ARFGEF3: variants seen among roughly 807,000 people sequenced by gnomAD.
The protein encoded by ARFGEF3 is ARFGEF family member 3, also known as brefeldin A-inhibited guanine nucleotide-exchange protein 3.
ARFGEF3 carries 96 observed loss-of-function variants against 221.7 expected under a neutral mutation model. The ratio of observed to expected loss-of-function variants is 0.43; its 90% CI spans 0.37 to 0.51. The LOEUF is 0.51. ARFGEF3 is among the 20% of genes least tolerant of loss of function. The pLI is 0.00. For synonymous variants in ARFGEF3, 1,145 were observed against 1,126.8 expected, an observed-to-expected ratio of 1.02 and a Z score of -0.32; for missense variants, 2,410 against 2,789.9, an observed-to-expected ratio of 0.86 and a Z score of 3.07.
At chr6:138,244,787 T>C (rs990767391) in intron 7 of ARFGEF3, among the ~76,000 whole-genome samples, 2 of 152,212 alleles carry the variant, frequency 1.3e-5, no homozygotes, top group Admixed American at 1.3e-4. Flanking sequence ...TTATTTTATC[T>C]CTCTGTGATA....
chr6:138,219,379 A>G (rs1391457666), intron 4 of ARFGEF3, among the ~76,000 whole-genome samples: 1 of 152,222 alleles, frequency 6.6e-6, no homozygotes, highest in African/African-American at 2.4e-5. Context: ...CAAGTGATCC[A>G]GACAGAGCTG....
At chr6:138,293,136 G>C (rs1017203745) in intron 19 of ARFGEF3, among the ~76,000 whole-genome samples, 1 of 152,250 alleles carries the variant, frequency 6.6e-6, no homozygotes, top group East Asian at 1.9e-4. Flanking sequence ...ATTTCTATTA[G>C]AGACCCTCTC....
At chr6:138,187,538 A>G (rs1777212031) in intron 2 of ARFGEF3, among the ~76,000 whole-genome samples, 1 of 152,212 alleles carries the variant, frequency 6.6e-6, no homozygotes, top group Non-Finnish European at 1.5e-5. Flanking sequence ...ACAATTGGGT[A>G]GCGCCCAGCC....
intron 5 of ARFGEF3, among the ~76,000 whole-genome samples, chr6:138,234,135 A>T (rs1778242389): frequency 6.6e-6 from 1 of 152,192 alleles, no homozygotes; most frequent in Admixed American, 6.5e-5. Flanking sequence ...CTTGTGAAGA[A>T]GTTGTTTGGA....
Position 138,338,799 on chromosome 6 carries a change from T to TAAAAAAAAAAAA in ARFGEF3, c.*2322_*2333dup. 9.6e-6 allele frequency: 1 copy of TAAAAAAAAAAAA among 103,666 alleles called. No individual in the cohort carries two copies. Among genetic ancestry groups the TAAAAAAAAAAAA allele is most frequent in the Non-Finnish European group, 2.0e-5 (1 of 49,462 alleles). 6.4% of individuals were successfully genotyped at this position (103,666 alleles called of 1,614,324 possible). A position where few individuals can be genotyped will look rare whatever the true frequency, so the allele number is the denominator to read the frequency against. ...TGGGTGACAAGAGTGAAACTCCATCTAAAAAAAAAAAAAAAAAAAAGTGAA... is the reference window on the plus strand; with the variant it reads ...TGGGTGACAAGAGTGAAACTCCATCTAAAAAAAAAAAAAAAAAAAAAAAAAAAAAAAAGTGAA... On this transcript the variant is annotated 3_prime_UTR_variant, in exon 34 of 34. Coordinates refer to ENST00000251691, the MANE Select transcript of ARFGEF3 (RefSeq NM_020340.5).
At chr6:138,273,679 C>T (rs1779043964) in intron 12 of ARFGEF3, among the ~76,000 whole-genome samples, 1 of 152,062 alleles carries the variant, frequency 6.6e-6, no homozygotes, top group Non-Finnish European at 1.5e-5. Flanking sequence ...GATTTTGAGC[C>T]GTGTAACTTT....
intron 1 of ARFGEF3, among the ~76,000 whole-genome samples, chr6:138,166,020 G>A (rs1776716381): frequency 6.6e-6 from 1 of 152,126 alleles, no homozygotes; most frequent in Non-Finnish European, 1.5e-5. Flanking sequence ...CCAGAGCTGG[G>A]GAAAAATGGC....
In ARFGEF3 at chr6:138,341,046, T is replaced by A. The variant is rs1780422410; in HGVS notation, c.*4560T>A. 1 of 152,320 alleles carries A rather than the reference T, an allele frequency of 6.6e-6. No individual in the cohort carries two copies. The highest frequency in any genetic ancestry group is 6.5e-5 in the Admixed American group (1 of 15,282). 9.4% of individuals were successfully genotyped at this position (152,320 alleles called of 1,614,324 possible). The stretch of plus-strand genomic sequence containing the variant: ...TTCAGTGTTACTTTAGAAAACTCAC[T>A]GAATTAGGTGGAAATGATGGAATAA... On this transcript the variant is annotated 3_prime_UTR_variant, in exon 34 of 34. Transcript: ENST00000251691.
intron 4 of ARFGEF3, among the ~76,000 whole-genome samples, chr6:138,211,713 GA>G (rs373405806): frequency 1.3e-5 from 2 of 152,274 alleles, no homozygotes; most frequent in South Asian, 2.1e-4. Context: ...AAATTAAAAT[GA>G]GGAAGTACCC....
At chr6:138,326,792 T>C (rs773080794) in intron 31 of ARFGEF3, among the ~76,000 whole-genome samples, 4 of 152,188 alleles carry the variant, frequency 2.6e-5, no homozygotes, top group Non-Finnish European at 5.9e-5. Flanking sequence ...ATCATTCTCT[T>C]ATAAAGATAC....
chr6:138,184,413 A>G (rs1301445774), intron 2 of ARFGEF3, among the ~76,000 whole-genome samples: 1 of 152,218 alleles, frequency 6.6e-6, no homozygotes, highest in East Asian at 1.9e-4. Flanking sequence ...AAATGTCACT[A>G]GTAAACAGGC....
chr6:138,245,313 C>T (rs1778465353), intron 7 of ARFGEF3, among the ~76,000 whole-genome samples, 200 bp from the exon 8 acceptor site: 1 of 152,072 alleles, frequency 6.6e-6, no homozygotes, highest in African/African-American at 2.4e-5. Flanking sequence ...AAAAAATAAA[C>T]AAACAAACAA....
intron 25 of ARFGEF3, among the ~76,000 whole-genome samples, chr6:138,313,232 C>T (rs754033456): frequency 6.6e-6 from 1 of 152,152 alleles, no homozygotes; most frequent in Admixed American, 6.5e-5. Context: ...AGAGAGCTCA[C>T]GGGTGCCTGG....
rs141660722 is a variant in ARFGEF3 at position 138,231,992 on chromosome 6, T to G, written c.420+2140T>G. ...TAAGAAATATTACCAAATATAAAAA[T>G]GGACAATTATGAAATATCCAAGTGC... On this transcript the variant is annotated intron_variant, in intron 5 of 33. Coordinates refer to ENST00000251691, the MANE Select transcript of ARFGEF3 (RefSeq NM_020340.5). Among the ~76,000 whole-genome samples, 261 of 152,326 alleles carry G rather than the reference T, an allele frequency of 1.7e-3. 1 individual carries two copies. Among genetic ancestry groups the G allele is most frequent in the African/African-American group, 6.1e-3 (254 of 41,590 alleles).
Position 138,334,858 on chromosome 6 carries a change from G to A in ARFGEF3, c.6012G>A (p.Glu2004=). Residue 2004 remains glutamate, a synonymous_variant, in exon 33 of 34, where the codon GAG becomes GAA. Coordinates refer to ENST00000251691, the MANE Select transcript of ARFGEF3 (RefSeq NM_020340.5). This position sits in a 1 kb window ranked among gnomAD's most constrained non-coding sequence, Gnocchi z 5.1. ...VEKKDPSRKK[E]WWENAGNKIY... is the part of the protein sequence containing the mutation. The stretch of plus-strand genomic sequence containing the variant: ...AGAAGGATCCCAGCCGGAAGAAGGA[G>A]TGGTGGGAGAATGCGGGGAACAAAA... 6.3e-7 allele frequency: 1 copy of A among 1,594,782 alleles called. No homozygotes were observed. Among genetic ancestry groups the A allele is most frequent in the Non-Finnish European group, 8.5e-7 (1 of 1,171,356 alleles).
intron 4 of ARFGEF3, among the ~76,000 whole-genome samples, chr6:138,219,318 C>T (rs1456885321): frequency 6.6e-6 from 1 of 151,986 alleles, no homozygotes; most frequent in Non-Finnish European, 1.5e-5. Flanking sequence ...GGACGATGAG[C>T]CTGAAAGGGT....
chr6:138,238,652 T>C (rs777833988), intron 6 of ARFGEF3, 21 bp downstream of exon 6: 3 of 1,610,894 alleles, frequency 1.9e-6, no homozygotes, highest in Admixed American at 1.7e-5. Flanking sequence ...GACACCCCCA[T>C]GTTCATCACC....
intron 22 of ARFGEF3, among the ~76,000 whole-genome samples, chr6:138,299,408 T>G (rs778831732): frequency 4.6e-5 from 7 of 152,126 alleles, no homozygotes; most frequent in Non-Finnish European, 8.8e-5. Flanking sequence ...ATACCTGGCC[T>G]ATATTCCTAA....
intron 15 of ARFGEF3, 75 bp from the exon 16 acceptor site, chr6:138,286,626 C>T: frequency 5.1e-6 from 6 of 1,182,572 alleles, no homozygotes; most frequent in Non-Finnish European, 6.3e-6. Context: ...CATTTGATAG[C>T]AAGAGAATGT....
Sources: allele counts gnomAD v4.1 joint callset (sites outside exome capture counted in the v4.1 genomes callset), GRCh38; gene constraint gnomAD v4.1.1; non-coding constraint Gnocchi (gnomAD v3.1); transcripts MANE v1.5; gene names NCBI Gene and HGNC (gene_info 2026-07-23, HGNC 2026-07-21).